The following MYH14 variants were observed in gnomAD, a reference collection of about 807,000 sequenced individuals.
MYH14 encodes myosin heavy chain 14.
A neutral mutation model predicts 255.5 loss-of-function variants in MYH14; 123 were observed. The observed-to-expected ratio is 0.48, with a 90% CI of 0.42 to 0.56. The LOEUF is 0.56. MYH14 is among the 20% of genes least tolerant of loss of function. The pLI, the probability that MYH14 is intolerant of heterozygous loss-of-function variation, is 0.00. For synonymous variants in MYH14, 1,095 were observed against 1,161.2 expected (o/e 0.94, Z 1.16); for missense variants, 2,423 against 2,802.3 (o/e 0.86, Z 3.06).
intron 10 of MYH14, among the ~76,000 whole-genome samples, chr19:50,237,010 G>A (rs1047941315): frequency 2.6e-5 from 4 of 152,220 alleles, no homozygotes; most frequent in African/African-American, 7.2e-5. Context: ...ATGGACTTGC[G>A]TATTCTGGAC....
chr19:50,282,841 G>A (rs1043053807), intron 33 of MYH14, among the ~76,000 whole-genome samples: 1 of 152,172 alleles, frequency 6.6e-6, no homozygotes, highest in Non-Finnish European at 1.5e-5. Flanking sequence ...ATGCCCAGCT[G>A]TGGGTTTTTT....
intron 12 of MYH14, 64 bp from the exon 13 acceptor site, chr19:50,248,923 C>T: frequency 3.8e-6 from 6 of 1,584,380 alleles, no homozygotes; most frequent in Admixed American, 1.7e-5. Context: ...CCCCGGTTCA[C>T]CCCCGACGTC....
chr19:50,277,987 A>C lies in MYH14; in HGVS notation c.3826-96A>C, dbSNP rs1014397434. On this transcript the variant is annotated intron_variant, in intron 29 of 42. Coordinates refer to ENST00000642316, the MANE Select transcript of MYH14 (RefSeq NM_001145809.2). Reference sequence around the variant, plus strand: ...ACTGGGAGAAGTGTGTTCCAGGCAGAGGGAACAGCCAGTGCAAAGGCCCTG... The same window carrying C: ...ACTGGGAGAAGTGTGTTCCAGGCAGCGGGAACAGCCAGTGCAAAGGCCCTG... The C allele has an allele frequency of 7.9e-6, 7 of 887,764 alleles. No homozygotes were observed. The African/African-American group carries it at 1.2e-4, about 15-fold the overall frequency. 55.0% of individuals were successfully genotyped at this position (887,764 alleles called of 1,614,324 possible). A position where few individuals can be genotyped will look rare whatever the true frequency, so the allele number is the denominator to read the frequency against.
chr19:50,229,823 C>T lies in MYH14; in HGVS notation c.875-702C>T, dbSNP rs145266861. ...GTACTAATGGCAGGAGACATTCTCACCTGCGGGTAACTTTGAACCAGGCAT... is the reference window on the plus strand; with the variant it reads ...GTACTAATGGCAGGAGACATTCTCATCTGCGGGTAACTTTGAACCAGGCAT... On this transcript the variant is annotated intron_variant, in intron 8 of 42. Transcript: ENST00000642316. Among the ~76,000 whole-genome samples, 594 of 152,180 alleles carry T rather than the reference C, an allele frequency of 3.9e-3. 2 individuals carry two copies. Among genetic ancestry groups the T allele is most frequent in the African/African-American group, 0.014 (572 of 41,510 alleles).
chr19:50,275,545 G>A lies in MYH14; in HGVS notation c.3468-446G>A, dbSNP rs563335721. Among the ~76,000 whole-genome samples the A allele has an allele frequency of 9.8e-5, 15 of 152,316 alleles. No individual in the cohort carries two copies. The South Asian group carries it at 3.1e-3, about 32-fold the overall frequency. ...GAAAACTGAGGTTCGAAATGAGTCA[G>A]GCTGGGCGAAGTGGCTCACTCCTGC... On this transcript the variant is annotated intron_variant, in intron 27 of 42. Coordinates refer to ENST00000642316, the MANE Select transcript of MYH14 (RefSeq NM_001145809.2).
chr19:50,257,340 G>C lies in MYH14; in HGVS notation c.2086G>C (p.Asp696His). 1 of 1,609,520 alleles carries C rather than the reference G, an allele frequency of 6.2e-7. No individual in the cohort carries two copies. The highest frequency in any genetic ancestry group is 8.5e-7 in the Non-Finnish European group (1 of 1,177,838). ...VGLEQVSSLG[D>H]GPPGGRPRRG... ...GCTGGAACAGGTGAGCAGCCTGGGC[G>C]ACGGCCCACCAGGTGGCCGCCCCCG... The change falls in exon 18 of 43, where the codon GAC becomes CAC. Residue 696 changes from aspartate (D) to histidine (H), a missense_variant. By Grantham distance (81) the Asp-to-His change is moderately conservative (BLOSUM62 -1). Coordinates refer to ENST00000642316, the MANE Select transcript of MYH14 (RefSeq NM_001145809.2).
chr19:50,303,040 T>A (rs985092686), intron 40 of MYH14, among the ~76,000 whole-genome samples: 3 of 152,228 alleles, frequency 2.0e-5, no homozygotes, highest in Admixed American at 2.0e-4. Context: ...CTACGAGTAT[T>A]ATTTACGTAA....
In MYH14 at chr19:50,290,875, C is replaced by A. The variant is rs777089802; in HGVS notation, c.4966-12C>A. Reference sequence around the variant, plus strand: ...CTGTGTCTGACCCGGTCCCTCCTGACCTCCTCTCCAGCTGAGAGATGCAGA... The same window carrying A: ...CTGTGTCTGACCCGGTCCCTCCTGAACTCCTCTCCAGCTGAGAGATGCAGA... On this transcript the variant is annotated splice_polypyrimidine_tract_variant and intron_variant, in intron 35 of 42. Coordinates refer to ENST00000642316, the MANE Select transcript of MYH14 (RefSeq NM_001145809.2). The A allele has an allele frequency of 2.6e-6, 4 of 1,551,828 alleles. No homozygotes were observed. The highest frequency in any genetic ancestry group is 2.6e-6 in the Non-Finnish European group (3 of 1,148,430).
chr19:50,207,293 G>GAGAGAA (rs1453775599), intron 1 of MYH14, among the ~76,000 whole-genome samples: 3 of 149,878 alleles, frequency 2.0e-5, no homozygotes, highest in Non-Finnish European at 4.5e-5. Context: ...GAGAGAGAGA[G>GAGAGAA]AGAGAGAGAG....
intron 18 of MYH14, 37 bp from the exon 19 acceptor site, chr19:50,259,107 C>T: frequency 6.5e-7 from 1 of 1,530,264 alleles, no homozygotes; most frequent in Middle Eastern, 1.7e-4. Context: ...CCCGTGTGGC[C>T]GCCGCTGACC....
rs1051994162 is a variant in MYH14, at chr19:50,227,698, C to T, written c.874+732C>T. Among the ~76,000 whole-genome samples, 7 of 152,056 alleles carry T rather than the reference C, an allele frequency of 4.6e-5. No individual in the cohort carries two copies. In the South Asian group the frequency reaches 1.2e-3, roughly 27 times the overall value. On this transcript the variant is annotated intron_variant, in intron 8 of 42. Coordinates refer to ENST00000642316, the MANE Select transcript of MYH14 (RefSeq NM_001145809.2). ...GTTTTCTGCTCAGATGGCATATGGG[C>T]GTTTAAAGGAAATTAAACAATAAAA...
Position 50,309,867 on chromosome 19 carries a change from AG to A in MYH14, c.*79del. ...CCTGGACCCCACGGGCCCCTGTCCC[AG>A]GAACCCCGCCCTCTGACTTCTTGCC... On this transcript the variant is annotated 3_prime_UTR_variant, in exon 43 of 43. Coordinates refer to ENST00000642316, the MANE Select transcript of MYH14 (RefSeq NM_001145809.2). The A allele has an allele frequency of 7.0e-7, 1 of 1,436,416 alleles. No homozygotes were observed. The highest frequency in any genetic ancestry group is 2.5e-5 in the East Asian group (1 of 39,620). The allele number at this position is 1,436,416 out of a possible 1,614,324, so 89.0% of individuals were successfully genotyped here.
At chr19:50,262,053 C>A (rs2034902231) in intron 21 of MYH14, among the ~76,000 whole-genome samples, 1 of 152,106 alleles carries the variant, frequency 6.6e-6, no homozygotes, top group Admixed American at 6.5e-5. Context: ...CCGGGTGAGA[C>A]CTGCTTTGAT....
Position 50,210,656 on chromosome 19 carries a change from G to T in MYH14, c.291G>T (p.Gln97His). 1 of 1,571,580 alleles carries T rather than the reference G, an allele frequency of 6.4e-7. No homozygotes were observed. Residue 97 changes from glutamine to histidine, a missense_variant, in exon 2 of 43, where the codon CAG becomes CAT. By Grantham distance (24) the Gln-to-His change is conservative. Coordinates refer to ENST00000642316, the MANE Select transcript of MYH14 (RefSeq NM_001145809.2). ...RRLRLPRDQI[Q>H]RMNPPKFSKA... ...TGCGACTGCCGCGGGACCAGATCCA[G>T]CGCATGAACCCGCCCAAGTTCAGCA...
In MYH14 at chr19:50,272,561, C is replaced by A. The variant is rs868356323; in HGVS notation, c.3297C>A (p.Asp1099Glu). 3 of 1,567,450 alleles carry A rather than the reference C, an allele frequency of 1.9e-6. No individual in the cohort carries two copies. Among genetic ancestry groups the A allele is most frequent in the East Asian group, 2.3e-5 (1 of 42,668 alleles). Residue 1099 changes from aspartate (D) to glutamate (E), a missense_variant and splice_region_variant, in exon 27 of 43, where the codon GAC becomes GAA. Coordinates refer to ENST00000642316, the MANE Select transcript of MYH14 (RefSeq NM_001145809.2). Reference sequence around the variant, plus strand: ...CACGGCCCCCACCCCTGCCTCCAGACCGCCTACGGAAGGAGGAGAAGGGTC... The same window carrying A: ...CACGGCCCCCACCCCTGCCTCCAGAACGCCTACGGAAGGAGGAGAAGGGTC... ...KYEATIADME[D>E]RLRKEEKGRQ...
intron 11 of MYH14, among the ~76,000 whole-genome samples, chr19:50,246,780 C>T (rs1454089640): frequency 1.3e-5 from 2 of 152,178 alleles, no homozygotes; most frequent in East Asian, 1.9e-4. Flanking sequence ...CCTTGTGGCA[C>T]GGTCTTTGCT....
intron 1 of MYH14, among the ~76,000 whole-genome samples, chr19:50,207,312 A>AGAGAGAGAGAGAGAGAGG (rs1438345270): frequency 1.5e-4 from 22 of 148,356 alleles, no homozygotes; most frequent in Admixed American, 5.4e-4. Context: ...AGAGAGAGAG[A>AGAGAGAGAGAGAGAGAGG]GACTAGGGGC....
intron 18 of MYH14, chr19:50,258,757 C>CAA (rs1219105307): frequency 4.3e-4 from 61 of 143,044 alleles, no homozygotes; most frequent in African/African-American, 1.6e-3. Flanking sequence ...AACAAACAAA[C>CAA]AAACAAAAAC....
At chr19:50,229,700 T>C (rs1701458106) in intron 8 of MYH14, among the ~76,000 whole-genome samples, 1 of 152,090 alleles carries the variant, frequency 6.6e-6, no homozygotes, top group African/African-American at 2.4e-5. Flanking sequence ...AATATGTAAG[T>C]TTGACACGTG....
Sources: gnomAD v4.1 joint callset for allele counts (sites outside exome capture counted in the v4.1 genomes callset) on GRCh38, gnomAD v4.1.1 for gene constraint, MANE v1.5 for transcripts, NCBI Gene and HGNC (gene_info 2026-07-23, HGNC 2026-07-21) for gene names.